Variants in ARHGEF7 observed in about 807,000 individuals in gnomAD.
The protein encoded by ARHGEF7 is Rho guanine nucleotide exchange factor 7.
Under a neutral mutation model 109.8 loss-of-function variants are expected in ARHGEF7, and 33 were observed. That is an observed-to-expected ratio of 0.30 (90% CI 0.23 to 0.40). The LOEUF (loss-of-function observed/expected upper bound fraction) is 0.40, where lower values mean the gene tolerates loss of function less well. Among genes scored for constraint, ARHGEF7 ranks in the 10% least tolerant of loss-of-function variants. ARHGEF7 has a pLI of 1.00. For synonymous variants in ARHGEF7, 458 were observed against 424.6 expected, an observed-to-expected ratio of 1.08 and a Z score of -0.97; for missense variants, 938 against 1,098.5, an observed-to-expected ratio of 0.85 and a Z score of 2.07.
intron 2 of ARHGEF7, among the ~76,000 whole-genome samples, chr13:111,180,159 G>A (rs1050315092): frequency 2.0e-5 from 3 of 152,212 alleles, no homozygotes; most frequent in Non-Finnish European, 4.4e-5. Context: ...GTGGTGGTGG[G>A]CATCTAAGCC....
intron 13 of ARHGEF7, among the ~76,000 whole-genome samples, chr13:111,279,381 G>A (rs1401535820): frequency 6.6e-6 from 1 of 152,218 alleles, no homozygotes; most frequent in East Asian, 1.9e-4. Flanking sequence ...AGCCTCTCTG[G>A]CCCTTACTTG....
chr13:111,208,631 GT>G (rs951272787), intron 3 of ARHGEF7, among the ~76,000 whole-genome samples: 3 of 152,086 alleles, frequency 2.0e-5, no homozygotes, highest in African/African-American at 7.2e-5. Context: ...CGGGAGCCCT[GT>G]AGAATTTGCT....
intron 2 of ARHGEF7, among the ~76,000 whole-genome samples, chr13:111,161,783 A>G (rs1326686247): frequency 6.6e-6 from 1 of 152,216 alleles, no homozygotes; most frequent in African/African-American, 2.4e-5. Context: ...TATATTTTTA[A>G]AATATCCATG....
intron 6 of ARHGEF7, among the ~76,000 whole-genome samples, chr13:111,233,518 C>T (rs972483288): frequency 3.3e-5 from 5 of 152,022 alleles, no homozygotes; most frequent in African/African-American, 1.2e-4. Context: ...TGGAAATGTC[C>T]CTTGCTCTTG....
chr13:111,129,315 A>G lies in ARHGEF7; in HGVS notation c.165+13624A>G, dbSNP rs137881708. ...TTTGGACTAGGCAAATATTTTTTAT[A>G]TATGACACCAAAAACATGATCCATA... On this transcript the variant is annotated intron_variant, in intron 1 of 21. Coordinates refer to ENST00000646102, the MANE Select transcript of ARHGEF7 (RefSeq NM_001354046.2). Among the ~76,000 whole-genome samples the G allele has an allele frequency of 2.8e-4, 42 of 152,306 alleles. No individual in the cohort carries two copies. The East Asian group carries it at 8.1e-3, about 29-fold the overall frequency.
chr13:111,179,265 G>A (rs1030754304), intron 2 of ARHGEF7, among the ~76,000 whole-genome samples: 4 of 151,998 alleles, frequency 2.6e-5, no homozygotes, highest in African/African-American at 9.7e-5. Context: ...TGTGTTTTTA[G>A]TAGAGACAGG....
chr13:111,133,386 ATGT>A (rs1247371772), intron 1 of ARHGEF7, among the ~76,000 whole-genome samples: 20 of 152,044 alleles, frequency 1.3e-4, no homozygotes, highest in Non-Finnish European at 2.4e-4. Context: ...ATCTATACAC[ATGT>A]TGATACACGC....
chr13:111,225,400 A>G (rs2085060479), intron 5 of ARHGEF7, among the ~76,000 whole-genome samples: 1 of 151,014 alleles, frequency 6.6e-6, no homozygotes, highest in Non-Finnish European at 1.5e-5. Context: ...GGCGTTACTC[A>G]CCTCCTCTCC....
intron 2 of ARHGEF7, 88 bp downstream of exon 2, chr13:111,154,079 G>A: frequency 3.1e-6 from 4 of 1,285,558 alleles, no homozygotes; most frequent in African/African-American, 1.6e-5. Flanking sequence ...CGGACCTCCT[G>A]CCTCCTCCGC....
At position 111,202,598 on chromosome 13, in the gene ARHGEF7, C is replaced by T. The variant is rs144992357; in HGVS notation, c.253-2691C>T. On this transcript the variant is annotated intron_variant, in intron 2 of 21. Coordinates refer to ENST00000646102, the MANE Select transcript of ARHGEF7 (RefSeq NM_001354046.2). ...GTCATGGTGGGGAATGAATGAATCC[C>T]GTCTAAGACACTTGTTTTAATAACC... Among the ~76,000 whole-genome samples, 458 of 152,296 alleles carry T rather than the reference C, an allele frequency of 3.0e-3. 1 individual carries two copies. Among genetic ancestry groups the T allele is most frequent in the South Asian group, 0.011 (52 of 4,826 alleles).
rs137918412 is a variant in ARHGEF7, at chr13:111,295,272, T to C, written c.2311+2978T>C. 191 of 884,558 alleles carry C rather than the reference T, an allele frequency of 2.2e-4. 1 individual carries two copies. The East Asian group carries it at 0.012, about 53-fold the overall frequency. 54.8% of individuals were successfully genotyped at this position (884,558 alleles called of 1,614,324 possible). ...TGTAATATAATTTGGCTCTTCTACCTGAACGGAACATCTTCCAAAGGCAGG... is the reference window on the plus strand; with the variant it reads ...TGTAATATAATTTGGCTCTTCTACCCGAACGGAACATCTTCCAAAGGCAGG... On this transcript the variant is annotated intron_variant, in intron 19 of 21. Coordinates refer to ENST00000646102, the MANE Select transcript of ARHGEF7 (RefSeq NM_001354046.2).
At chr13:111,205,148 G>A in intron 2 of ARHGEF7, 141 bp from the exon 3 acceptor site, 1 of 596,654 alleles carries the variant, frequency 1.7e-6, no homozygotes, top group Non-Finnish European at 2.9e-6. Context: ...GAGAGACTGA[G>A]CGTGCTGGTC....
At chr13:111,283,451 C>A in intron 16 of ARHGEF7, 88 bp downstream of exon 16, 1 of 1,476,172 alleles carries the variant, frequency 6.8e-7, no homozygotes. Context: ...CTTCTGTGTA[C>A]AGCAAAATGC....
intron 4 of ARHGEF7, among the ~76,000 whole-genome samples, chr13:111,210,559 G>A (rs1165412222): frequency 6.6e-6 from 1 of 152,124 alleles, no homozygotes; most frequent in East Asian, 1.9e-4. Flanking sequence ...AAAAATACTC[G>A]TTTAAAAATG....
intron 18 of ARHGEF7, among the ~76,000 whole-genome samples, chr13:111,291,179 G>A (rs1305214771): frequency 1.3e-5 from 2 of 152,244 alleles, no homozygotes; most frequent in Admixed American, 6.5e-5. Context: ...TTCACCTAGC[G>A]AGGGGCATCC....
At chr13:111,262,848 C>G (rs565840484) in intron 8 of ARHGEF7, among the ~76,000 whole-genome samples, 31 of 152,304 alleles carry the variant, frequency 2.0e-4, no homozygotes, top group Admixed American at 1.7e-3. Flanking sequence ...AATGCAACAT[C>G]ACACCTGTTA....
chr13:111,270,213 AT>A (rs969208889), intron 9 of ARHGEF7, among the ~76,000 whole-genome samples: 146 of 152,134 alleles, frequency 9.6e-4, no homozygotes, highest in African/African-American at 3.4e-3. Flanking sequence ...TTTGAAAATG[AT>A]TTTTTTCCCA....
chr13:111,232,324 G>T (rs1011016659), intron 5 of ARHGEF7, among the ~76,000 whole-genome samples: 3 of 152,086 alleles, frequency 2.0e-5, no homozygotes, highest in African/African-American at 7.2e-5. Flanking sequence ...CTGTAGAACT[G>T]ATAATAGACA....
chr13:111,221,551 CTA>C (rs1312286681), intron 5 of ARHGEF7, among the ~76,000 whole-genome samples: 1 of 58,720 alleles, frequency 1.7e-5, no homozygotes, highest in Non-Finnish European at 3.2e-5. Flanking sequence ...AGATACATAT[CTA>C]TATATCTATA....
Sources: gnomAD v4.1 joint callset for allele counts (sites outside exome capture counted in the v4.1 genomes callset) on GRCh38, gnomAD v4.1.1 for gene constraint, MANE v1.5 for transcripts, NCBI Gene and HGNC (gene_info 2026-07-23, HGNC 2026-07-21) for gene names.